NNMT: variants seen among roughly 807,000 people sequenced by gnomAD.
The protein encoded by NNMT is nicotinamide N-methyltransferase.
In NNMT, 10 loss-of-function variants were observed where a neutral mutation model predicts 11.7. The observed-to-expected ratio is 0.85, with a 90% CI of 0.53 to 1.45. NNMT has a LOEUF of 1.45. Ranked by LOEUF, NNMT falls within the 40% of genes most tolerant of loss-of-function variation. The pLI is 0.00. For synonymous variants in NNMT, 143 were observed against 133.8 expected, an observed-to-expected ratio of 1.07 and a Z score of -0.48; for missense variants, 381 against 319.4, an observed-to-expected ratio of 1.19 and a Z score of -1.47.
At chr11:114,297,829 G>C in intron 1 of NNMT, 122 bp from the exon 2 acceptor site, 1 of 807,614 alleles carries the variant, frequency 1.2e-6, no homozygotes, top group Non-Finnish European at 2.1e-6. Flanking sequence ...GAAAAGTTGT[G>C]AACAGTAGTG....
chr11:114,278,612 A>G lies in NNMT; in HGVS notation c.-130+15678A>G, dbSNP rs529455859. Among the ~76,000 whole-genome samples the G allele has an allele frequency of 1.6e-3, 234 of 147,126 alleles. 3 individuals carry two copies. Among genetic ancestry groups the G allele is most frequent in the African/African-American group, 5.3e-3 (214 of 40,040 alleles). On this transcript the variant is annotated intron_variant, in intron 2 of 4. Transcript: ENST00000535401. ...GGGGTGGGAGGTGGACCTAATACTC[A>G]TGTGTGTGTGTGTGTGTGTGTGTGT...
chr11:114,265,076 A>G (rs1055934779), intron 2 of NNMT, among the ~76,000 whole-genome samples: 19 of 152,308 alleles, frequency 1.2e-4, no homozygotes, highest in African/African-American at 4.3e-4. Context: ...TAGGGTTGAA[A>G]GTCCCAACCC....
At position 114,312,248 on chromosome 11, in the gene NNMT, CA is replaced by C; in HGVS notation, c.567del (p.Gly191AlafsTer4). 6.2e-7 allele frequency: 1 copy of C among 1,614,232 alleles called. No homozygotes were observed. The highest frequency in any genetic ancestry group is 2.2e-5 in the East Asian group (1 of 44,880). On this transcript the variant is annotated frameshift_variant, in exon 3 of 3. Transcript: ENST00000299964. LOFTEE classifies it low-confidence loss of function (END_TRUNC). ...ALRNLGSLLK[P>X]GGFLVIMDAL... is the part of the protein sequence containing the mutation. Reference sequence around the variant, plus strand: ...AGGAACCTCGGCAGCCTACTGAAGCCAGGGGGCTTCCTGGTGATCATGGATG... The same window carrying C: ...AGGAACCTCGGCAGCCTACTGAAGCCGGGGGCTTCCTGGTGATCATGGATG...
rs535565642 is a variant in NNMT at position 114,308,429 on chromosome 11, A to G, written c.363-3616A>G. On this transcript the variant is annotated intron_variant, in intron 2 of 2. Coordinates refer to ENST00000299964, the MANE Select transcript of NNMT (RefSeq NM_006169.3). ...AGACAGGGCAGGAGGAACCGCCTCT[A>G]AATCTCAGGATAGTTCACCTGGAAT... Among the ~76,000 whole-genome samples, 13 of 152,168 alleles carry G rather than the reference A, an allele frequency of 8.5e-5. No individual in the cohort carries two copies. In the South Asian group the frequency reaches 2.5e-3, roughly 29 times the overall value.
intron 2 of NNMT, among the ~76,000 whole-genome samples, chr11:114,309,397 G>A (rs1354025840): frequency 1.3e-5 from 2 of 152,136 alleles, no homozygotes; most frequent in African/African-American, 2.4e-5. Flanking sequence ...TAGAATATGG[G>A]ATTTTTCAGT....
chr11:114,258,132 C>G (rs1020750426), intron 1 of NNMT, among the ~76,000 whole-genome samples: 17 of 152,314 alleles, frequency 1.1e-4, no homozygotes, highest in African/African-American at 4.1e-4. Context: ...GCAGCCTCCT[C>G]CAGAACACAC....
chr11:114,260,410 CA>C (rs1945068884), intron 1 of NNMT, among the ~76,000 whole-genome samples: 2 of 152,334 alleles, frequency 1.3e-5, no homozygotes, highest in East Asian at 3.9e-4. Flanking sequence ...CCTGCTTGTC[CA>C]GAATTTGCTG....
chr11:114,286,287 A>G (rs1945299226), intron 2 of NNMT, among the ~76,000 whole-genome samples: 1 of 152,208 alleles, frequency 6.6e-6, no homozygotes, highest in Admixed American at 6.5e-5. Flanking sequence ...ATGCATCTAC[A>G]GAAAAGTTCA....
rs759792181 is a variant in NNMT, at chr11:114,312,084, G to A, written c.402G>A (p.Ala134=). The A allele has an allele frequency of 3.3e-5, 52 of 1,595,428 alleles. No homozygotes were observed. Among genetic ancestry groups the A allele is most frequent in the Admixed American group, 1.4e-4 (8 of 58,390 alleles). Residue 134 remains alanine (A), a synonymous_variant, in exon 3 of 3, where the codon GCG becomes GCA. Coordinates refer to ENST00000299964, the MANE Select transcript of NNMT (RefSeq NM_006169.3). ...GPEKEEKLRQ[A]VKQVLKCDVT... ...AGAAGGAGGAGAAGTTGAGACAGGC[G>A]GTCAAGCAGGTGCTGAAGTGTGATG... is the stretch of plus-strand genomic sequence containing the variant.
intron 2 of NNMT, among the ~76,000 whole-genome samples, chr11:114,266,075 A>G (rs1945117495): frequency 6.6e-6 from 1 of 152,102 alleles, no homozygotes; most frequent in African/African-American, 2.4e-5. Flanking sequence ...CCTATATCCA[A>G]GAAAACCCAA....
intron 2 of NNMT, among the ~76,000 whole-genome samples, chr11:114,288,154 A>G (rs1031580479): frequency 6.6e-6 from 1 of 152,148 alleles, no homozygotes; most frequent in Non-Finnish European, 1.5e-5. Flanking sequence ...CTATATCATC[A>G]TGTTATCTGC....
intron 2 of NNMT, among the ~76,000 whole-genome samples, chr11:114,282,204 A>G (rs1315878680): frequency 6.6e-6 from 1 of 152,228 alleles, no homozygotes; most frequent in Non-Finnish European, 1.5e-5. Context: ...AGCCTGGGCC[A>G]CAGAGTGAGA....
At chr11:114,276,762 C>T (rs1457561823) in intron 2 of NNMT, among the ~76,000 whole-genome samples, 3 of 152,216 alleles carry the variant, frequency 2.0e-5, no homozygotes, top group Admixed American at 6.5e-5. Flanking sequence ...CCATTCAGCA[C>T]CTCCATCCTC....
chr11:114,301,022 T>C (rs897401676), intron 2 of NNMT, among the ~76,000 whole-genome samples: 1 of 152,140 alleles, frequency 6.6e-6, no homozygotes, highest in Non-Finnish European at 1.5e-5. Flanking sequence ...ATATCAATTG[T>C]GATATTAAAT....
chr11:114,291,163 C>T (rs762140748), intron 2 of NNMT, among the ~76,000 whole-genome samples: 1 of 152,172 alleles, frequency 6.6e-6, no homozygotes, highest in Non-Finnish European at 1.5e-5. Context: ...TCAATAAATA[C>T]TACCTATTTT....
At chr11:114,260,555 C>G (rs912318944) in intron 1 of NNMT, among the ~76,000 whole-genome samples, 8 of 152,216 alleles carry the variant, frequency 5.3e-5, no homozygotes, top group African/African-American at 1.9e-4. Context: ...GAGGCCCGCT[C>G]CGGGCTCCGG....
chr11:114,277,384 A>C (rs1945221892), intron 2 of NNMT, among the ~76,000 whole-genome samples: 1 of 152,206 alleles, frequency 6.6e-6, no homozygotes, highest in Non-Finnish European at 1.5e-5. Flanking sequence ...GGCTGACTTT[A>C]TATATATGCA....
chr11:114,284,764 CTTTTTTTTTTTTTT>C (rs11415162), intron 2 of NNMT, among the ~76,000 whole-genome samples: 1 of 90,354 alleles, frequency 1.1e-5, no homozygotes, highest in Non-Finnish European at 2.0e-5. Flanking sequence ...ACCCGGCCAT[CTTTTTTTTTTTTTT>C]TTTTTTTTTT....
At chr11:114,298,346 A>G in intron 2 of NNMT, 188 bp downstream of exon 2, 1 of 583,952 alleles carries the variant, frequency 1.7e-6, no homozygotes, top group Non-Finnish European at 3.1e-6. Flanking sequence ...GTGCACGTGC[A>G]TGTGTGCACC....
Sources: allele counts gnomAD v4.1 joint callset (sites outside exome capture counted in the v4.1 genomes callset), GRCh38; gene constraint gnomAD v4.1.1; transcripts MANE v1.5; gene names NCBI Gene and HGNC (gene_info 2026-07-23, HGNC 2026-07-21).